The following VIPR2 variants were observed in gnomAD, a reference collection of about 807,000 sequenced individuals.
VIPR2 encodes vasoactive intestinal polypeptide receptor 2.
In VIPR2, 48 loss-of-function variants were observed where a neutral mutation model predicts 58.0. That is an observed-to-expected ratio of 0.83 (90% CI 0.66 to 1.05). VIPR2 has a LOEUF of 1.05. Ranked by LOEUF, VIPR2 falls within the 50% of genes least tolerant of loss-of-function variation. VIPR2 has a pLI of 0.00. For synonymous variants in VIPR2, 243 were observed against 235.2 expected (o/e 1.03, Z -0.30); for missense variants, 534 against 558.0 (o/e 0.96, Z 0.43).
Position 159,030,743 on chromosome 7 carries a change from G to T in VIPR2, c.1190C>A (p.Pro397Gln), listed in dbSNP as rs899508976. 5.0e-6 allele frequency: 8 copies of T among 1,590,180 alleles called. No homozygotes were observed. The African/African-American group carries it at 6.7e-5, about 13-fold the overall frequency. ...KRKWRSRCPT[P>Q]SASRDYRVCG... ...GACCCTGTAATCCCGGCTCGCGGAC[G>T]GGGTCGGGCACCGGCTTCGCCATTT... The change falls in exon 13 of 13, where the codon CCG (proline) becomes CAG (glutamine). Residue 397 changes from proline (P) to glutamine (Q), a missense_variant. By Grantham distance (76) the Pro-to-Gln change is moderately conservative (BLOSUM62 -1). Around this residue, in one of 3 missense-constraint regions of VIPR2, gnomAD observed 306 missense variants for 285.8 expected, o/e 1.07. Transcript: ENST00000262178.
Position 159,036,882 on chromosome 7 carries a change from C to A in VIPR2, c.618G>T (p.Leu206=), listed in dbSNP as rs1315735525. 1 of 1,612,832 alleles carries A rather than the reference C, an allele frequency of 6.2e-7. No individual in the cohort carries two copies. Among genetic ancestry groups the A allele is most frequent in the South Asian group, 1.1e-5 (1 of 91,046 alleles). ...PSSWVGCKLS[L]VFLQYCIMAN... The stretch of plus-strand genomic sequence containing the variant: ...CCATGATGCAGTACTGCAGGAAGAC[C>A]AGGCTCAGCTTGCAGCCCACCTGGA... Residue 206 remains leucine, a synonymous_variant, in exon 7 of 13, where the codon CTG becomes CTT. Coordinates refer to ENST00000262178, the MANE Select transcript of VIPR2 (RefSeq NM_003382.5).
At chr7:159,071,138 T>A (rs1478277965) in intron 4 of VIPR2, among the ~76,000 whole-genome samples, 4 of 152,254 alleles carry the variant, frequency 2.6e-5, no homozygotes, top group Non-Finnish European at 5.9e-5. Context: ...CAGACATTCA[T>A]TCAACCTCCT....
chr7:159,060,755 A>G (rs2129494089), intron 4 of VIPR2, among the ~76,000 whole-genome samples: 1 of 150,476 alleles, frequency 6.6e-6, no homozygotes, highest in Admixed American at 6.6e-5. Flanking sequence ...CACAGCCTGC[A>G]CCTTACCTAA....
At chr7:159,081,900 CA>C (rs1856924007) in intron 4 of VIPR2, among the ~76,000 whole-genome samples, 1 of 152,166 alleles carries the variant, frequency 6.6e-6, no homozygotes, top group African/African-American at 2.4e-5. Flanking sequence ...AAATGCAAAT[CA>C]AAACCGCAAT....
At chr7:159,047,352 T>A (rs1263199206) in intron 5 of VIPR2, among the ~76,000 whole-genome samples, 1 of 152,230 alleles carries the variant, frequency 6.6e-6, no homozygotes, top group Non-Finnish European at 1.5e-5. Flanking sequence ...AGAAACTCAC[T>A]GGACAATTAA....
At position 159,097,275 on chromosome 7, in the gene VIPR2, G is replaced by A; in HGVS notation, c.357+6482C>T. The stretch of plus-strand genomic sequence containing the variant: ...AGGGCAGAGGCTTATTTTTAGGGAT[G>A]TGGCGTAACACGGAAGAAATGTGTG... On this transcript the variant is annotated intron_variant, in intron 4 of 12. Coordinates refer to ENST00000262178, the MANE Select transcript of VIPR2 (RefSeq NM_003382.5). This position sits in a 1 kb window ranked among gnomAD's most constrained non-coding sequence, Gnocchi z 5.3. 2.9e-6 allele frequency: 4 copies of A among 1,371,636 alleles called. No individual in the cohort carries two copies. Among genetic ancestry groups the A allele is most frequent in the Non-Finnish European group, 3.8e-6 (4 of 1,062,696 alleles). 85.0% of individuals were successfully genotyped at this position (1,371,636 alleles called of 1,614,324 possible). A position where few individuals can be genotyped will look rare whatever the true frequency, so the allele number is the denominator to read the frequency against.
At chr7:159,058,667 G>T in intron 4 of VIPR2, 89 bp from the exon 5 acceptor site, 2 of 982,900 alleles carry the variant, frequency 2.0e-6, no homozygotes, top group Non-Finnish European at 3.2e-6. Flanking sequence ...CCTGTGCTCT[G>T]GCCATGAAGG....
chr7:159,102,357 C>T (rs1471955129), intron 4 of VIPR2, among the ~76,000 whole-genome samples: 1 of 152,214 alleles, frequency 6.6e-6, no homozygotes, highest in Non-Finnish European at 1.5e-5. Context: ...GTGCCTTGCA[C>T]CTTCTGCCAT....
chr7:159,121,524 T>G (rs1484583757), intron 2 of VIPR2, among the ~76,000 whole-genome samples: 3 of 152,206 alleles, frequency 2.0e-5, no homozygotes, highest in Non-Finnish European at 2.9e-5. Context: ...GTGCGTGGGA[T>G]ACACAGAAGT....
chr7:159,082,571 AACAAACCTGCACGTTGTGC>A (rs1406627237), intron 4 of VIPR2, among the ~76,000 whole-genome samples: 1 of 152,244 alleles, frequency 6.6e-6, no homozygotes, highest in African/African-American at 2.4e-5. Context: ...ATACATATGT[AACAAACCTGCACGTTGTGC>A]ACATGTACCC....
chr7:159,102,753 G>A (rs184093169), intron 4 of VIPR2, among the ~76,000 whole-genome samples: 14 of 152,262 alleles, frequency 9.2e-5, no homozygotes, highest in African/African-American at 2.6e-4. Context: ...GGAGGTGATC[G>A]GCCCACAAGC....
intron 4 of VIPR2, among the ~76,000 whole-genome samples, chr7:159,079,897 C>T (rs922795935): frequency 2.0e-5 from 3 of 152,232 alleles, no homozygotes; most frequent in Admixed American, 6.5e-5. Flanking sequence ...AACACATACA[C>T]TCTCCCAAGA....
intron 3 of VIPR2, among the ~76,000 whole-genome samples, chr7:159,106,228 G>A (rs1858640395): frequency 6.6e-6 from 1 of 152,252 alleles, no homozygotes; most frequent in Non-Finnish European, 1.5e-5. Flanking sequence ...CCAATCCAAA[G>A]AAGATGCTGA....
At chr7:159,046,924 A>C (rs1854687081) in intron 5 of VIPR2, among the ~76,000 whole-genome samples, 1 of 152,224 alleles carries the variant, frequency 6.6e-6, no homozygotes. Context: ...ACAGAGTAAA[A>C]GCCCTTTCTA....
chr7:159,091,288 C>G (rs193189826), intron 4 of VIPR2, among the ~76,000 whole-genome samples: 1 of 152,340 alleles, frequency 6.6e-6, no homozygotes, highest in Admixed American at 6.5e-5. Context: ...GTGGGAATCC[C>G]CTGCTCATGG....
rs1796722221 is a variant in VIPR2, at chr7:159,128,100, A to G, written c.151+14346T>C. Among the ~76,000 whole-genome samples, 1 of 152,118 alleles carries G rather than the reference A, an allele frequency of 6.6e-6. No individual in the cohort carries two copies. Among genetic ancestry groups the G allele is most frequent in the African/African-American group, 2.4e-5 (1 of 41,434 alleles). ...ATGGAGCCAGGTGAGGACACCTGGT[A>G]GTGGTCTCTCCTTCAGGCTCCTGCT... On this transcript the variant is annotated intron_variant, in intron 2 of 12. Coordinates refer to ENST00000262178, the MANE Select transcript of VIPR2 (RefSeq NM_003382.5). The surrounding 1 kb of genome is among the most constrained non-coding windows in gnomAD (Gnocchi z 4.1).
At chr7:159,089,491 T>C (rs1857342562) in intron 4 of VIPR2, among the ~76,000 whole-genome samples, 1 of 152,188 alleles carries the variant, frequency 6.6e-6, no homozygotes, top group Non-Finnish European at 1.5e-5. Context: ...ATGGGAATAG[T>C]TCTTGTCTGG....
At chr7:159,045,380 A>C (rs1585353438) in intron 5 of VIPR2, among the ~76,000 whole-genome samples, 1 of 152,238 alleles carries the variant, frequency 6.6e-6, no homozygotes, top group Non-Finnish European at 1.5e-5. Flanking sequence ...GTGGCACTGC[A>C]TATAGATCAA....
At chr7:159,144,211 T>C in intron 1 of VIPR2, 1 of 1,258,620 alleles carries the variant, frequency 7.9e-7, no homozygotes, top group South Asian at 2.8e-5. Flanking sequence ...AGCAGTTAGT[T>C]CCTCCAGTGC....
Sources: allele counts gnomAD v4.1 joint callset (sites outside exome capture counted in the v4.1 genomes callset), GRCh38; gene constraint gnomAD v4.1.1; regional missense constraint gnomAD v4.1.1; non-coding constraint Gnocchi (gnomAD v3.1); transcripts MANE v1.5; gene names NCBI Gene and HGNC (gene_info 2026-07-23, HGNC 2026-07-21).